Variants in PIK3C2A observed in about 807,000 individuals in gnomAD.
PIK3C2A encodes phosphatidylinositol-4-phosphate 3-kinase catalytic subunit type 2 alpha.
Under a neutral mutation model 204.5 loss-of-function variants are expected in PIK3C2A, and 97 were observed. The ratio of observed to expected loss-of-function variants is 0.47; its 90% confidence interval spans 0.40 to 0.56. PIK3C2A has a LOEUF of 0.56. PIK3C2A is among the 20% of genes least tolerant of loss of function. PIK3C2A has a pLI of 0.00. For missense variants in PIK3C2A, 1,735 were observed against 1,969.2 expected (o/e 0.88, Z 2.25); for synonymous variants, 653 against 664.4 (o/e 0.98, Z 0.26).
At chr11:17,181,369 G>T (rs1311395068) in intron 1 of PIK3C2A, among the ~76,000 whole-genome samples, 1 of 150,672 alleles carries the variant, frequency 6.6e-6, no homozygotes, top group East Asian at 1.9e-4. Flanking sequence ...TTATAACACA[G>T]TTCACTCAAT....
At chr11:17,127,131 T>C (rs962429315) in intron 13 of PIK3C2A, among the ~76,000 whole-genome samples, 1 of 152,170 alleles carries the variant, frequency 6.6e-6, no homozygotes, top group African/African-American at 2.4e-5. Context: ...AGGTTCCTAA[T>C]ACACACCATT....
intron 22 of PIK3C2A, among the ~76,000 whole-genome samples, chr11:17,109,840 G>A (rs1426386879): frequency 2.0e-5 from 3 of 151,758 alleles, no homozygotes; most frequent in African/African-American, 7.3e-5. Context: ...CCAGAGATAT[G>A]GCATTATTTT....
chr11:17,163,054 C>T (rs1850832787), intron 2 of PIK3C2A, among the ~76,000 whole-genome samples: 1 of 151,990 alleles, frequency 6.6e-6, no homozygotes, highest in African/African-American at 2.4e-5. Context: ...GCCTATAATC[C>T]CAGCACTTGG....
At chr11:17,115,763 C>A (rs2137327730) in intron 19 of PIK3C2A, 1 of 152,246 alleles carries the variant, frequency 6.6e-6, no homozygotes. Flanking sequence ...GAAGCAAGCA[C>A]AGGGTCAACT....
Position 17,088,767 on chromosome 11 carries a change from T to C in PIK3C2A, c.*971A>G, listed in dbSNP as rs1303703431. 1.3e-5 allele frequency: 2 copies of C among 152,212 alleles called. No individual in the cohort carries two copies. Among genetic ancestry groups the C allele is most frequent in the Non-Finnish European group, 2.9e-5 (2 of 68,040 alleles). 9.4% of individuals were successfully genotyped at this position (152,212 alleles called of 1,614,324 possible). A position where few individuals can be genotyped will look rare whatever the true frequency, so the allele number is the denominator to read the frequency against. ...TGGGCCTCTTGTGAAGAGTCTGCCC[T>C]ACTCAGGAATGGGCACATGGGTTAA... On this transcript the variant is annotated 3_prime_UTR_variant, in exon 33 of 33. Transcript: ENST00000691414.
chr11:17,165,048 A>G (rs941133511), intron 2 of PIK3C2A, among the ~76,000 whole-genome samples: 2 of 152,224 alleles, frequency 1.3e-5, no homozygotes, highest in East Asian at 1.9e-4. Flanking sequence ...GGAGTGACCA[A>G]TCTAAACTAA....
intron 12 of PIK3C2A, among the ~76,000 whole-genome samples, chr11:17,130,529 G>C (rs903276407): frequency 5.1e-4 from 78 of 152,158 alleles, no homozygotes; most frequent in Admixed American, 5.2e-4. Context: ...TTTAGGCCGG[G>C]CACAGTGGCT....
chr11:17,122,049 A>C (rs1849383188), intron 15 of PIK3C2A, 139 bp downstream of exon 15: 1 of 533,300 alleles, frequency 1.9e-6, no homozygotes, highest in African/African-American at 2.0e-5. Context: ...AAAAGGAAAA[A>C]AAGTAAGTTA....
chr11:17,091,770 G>A, intron 30 of PIK3C2A, 114 bp from the exon 31 acceptor site: 1 of 718,224 alleles, frequency 1.4e-6, no homozygotes, highest in East Asian at 2.7e-5. Flanking sequence ...AGAAGGGAGG[G>A]GAAAAAGGAG....
intron 32 of PIK3C2A, 116 bp from the exon 33 acceptor site, chr11:17,090,036 CTGATTA>C: frequency 2.8e-6 from 2 of 706,486 alleles, no homozygotes; most frequent in Non-Finnish European, 4.8e-6. Flanking sequence ...ATGAGTGACA[CTGATTA>C]TGACACATCC....
At chr11:17,170,517 A>T (rs1445447942) in intron 1 of PIK3C2A, among the ~76,000 whole-genome samples, 1 of 152,184 alleles carries the variant, frequency 6.6e-6, no homozygotes, top group Non-Finnish European at 1.5e-5. Context: ...TCTGCAGTTA[A>T]ATCAATAGTT....
chr11:17,167,869 T>C (rs1851018113), intron 2 of PIK3C2A, among the ~76,000 whole-genome samples: 1 of 152,174 alleles, frequency 6.6e-6, no homozygotes, highest in Admixed American at 6.5e-5. Flanking sequence ...TTCTTCACTT[T>C]TATCGACAAA....
chr11:17,127,903 T>C (rs1183683033), intron 13 of PIK3C2A, among the ~76,000 whole-genome samples: 1 of 152,164 alleles, frequency 6.6e-6, no homozygotes, highest in Non-Finnish European at 1.5e-5. Flanking sequence ...TAAGTTTCAG[T>C]ATGTTAATAT....
At chr11:17,204,054 A>G (rs1226949978) in intron 1 of PIK3C2A, among the ~76,000 whole-genome samples, 1 of 151,700 alleles carries the variant, frequency 6.6e-6, no homozygotes, top group Non-Finnish European at 1.5e-5. Context: ...AGCCTTGGCG[A>G]CAGAGCGAGA....
chr11:17,121,490 G>A (rs1849365682), intron 15 of PIK3C2A, among the ~76,000 whole-genome samples: 1 of 152,138 alleles, frequency 6.6e-6, no homozygotes, highest in African/African-American at 2.4e-5. Flanking sequence ...ATATAAAAGA[G>A]TTTTATATAA....
At chr11:17,111,061 C>T (rs1042000968) in intron 21 of PIK3C2A, among the ~76,000 whole-genome samples, 1 of 152,052 alleles carries the variant, frequency 6.6e-6, no homozygotes, top group Non-Finnish European at 1.5e-5. Flanking sequence ...GTGCCTGCCA[C>T]CACACCTGGC....
In PIK3C2A at chr11:17,133,072, G is replaced by A. The variant is rs544267340; in HGVS notation, c.2109-1034C>T. Among the ~76,000 whole-genome samples, 13 of 152,094 alleles carry A rather than the reference G, an allele frequency of 8.5e-5. No individual in the cohort carries two copies. The South Asian group carries it at 1.7e-3, about 19-fold the overall frequency. On this transcript the variant is annotated intron_variant, in intron 11 of 32. Transcript: ENST00000691414. The stretch of plus-strand genomic sequence containing the variant: ...CTAAATTTAATTCAAATCAAATTTC[G>A]TTGGTTCACACAATACCCCTAAGCA...
At chr11:17,149,394 G>C (rs1280986387) in intron 4 of PIK3C2A, among the ~76,000 whole-genome samples, 2 of 152,112 alleles carry the variant, frequency 1.3e-5, no homozygotes, top group African/African-American at 4.8e-5. Flanking sequence ...ATGTGCATCA[G>C]TTGTATGATA....
At chr11:17,146,919 CAAAT>C (rs950988115) in intron 6 of PIK3C2A, among the ~76,000 whole-genome samples, 63 of 152,032 alleles carry the variant, frequency 4.1e-4, no homozygotes, top group African/African-American at 1.5e-3. Context: ...AAAATTCTAA[CAAAT>C]AAAGAATAAT....
Sources: gnomAD v4.1 joint callset for allele counts (sites outside exome capture counted in the v4.1 genomes callset) on GRCh38, gnomAD v4.1.1 for gene constraint, MANE v1.5 for transcripts, NCBI Gene and HGNC (gene_info 2026-07-23, HGNC 2026-07-21) for gene names.